Variants in ZCCHC8 observed in about 807,000 individuals in gnomAD.
ZCCHC8 encodes the protein zinc finger CCHC-type containing 8, also known as zinc finger CCHC domain-containing protein 8.
ZCCHC8 carries 27 observed loss-of-function variants against 70.6 expected under a neutral mutation model. The observed-to-expected ratio is 0.38, with a 90% confidence interval of 0.28 to 0.53. The LOEUF (loss-of-function observed/expected upper bound fraction) is 0.53. Among genes scored for constraint, ZCCHC8 ranks in the 20% least tolerant of loss-of-function variants. The pLI is 0.81. For synonymous variants in ZCCHC8, 293 were observed against 317.4 expected (o/e 0.92, Z 0.82); for missense variants, 737 against 876.9 (o/e 0.84, Z 2.01).
chr12:122,477,279 C>G (rs1164340950), intron 13 of ZCCHC8, among the ~76,000 whole-genome samples: 1 of 147,934 alleles, frequency 6.8e-6, no homozygotes, highest in Non-Finnish European at 1.5e-5. Flanking sequence ...CTCAGCCTCC[C>G]GAGTAGCTGG....
intron 5 of ZCCHC8, among the ~76,000 whole-genome samples, chr12:122,485,672 C>CTT (rs769061586): frequency 4.2e-5 from 6 of 143,386 alleles, no homozygotes; most frequent in Admixed American, 7.0e-5. Flanking sequence ...TGACGACATC[C>CTT]TTTTTTTTTT....
chr12:122,489,744 A>T (rs1299079761), intron 4 of ZCCHC8, among the ~76,000 whole-genome samples: 1 of 152,160 alleles, frequency 6.6e-6, no homozygotes, highest in African/African-American at 2.4e-5. Context: ...CAATATTGAT[A>T]ATATAACCCT....
chr12:122,476,314 C>G (rs1442819339), intron 13 of ZCCHC8, among the ~76,000 whole-genome samples: 1 of 152,198 alleles, frequency 6.6e-6, no homozygotes, highest in Non-Finnish European at 1.5e-5. Flanking sequence ...TAGAAGTCAA[C>G]TCATGGCCCA....
intron 4 of ZCCHC8, among the ~76,000 whole-genome samples, chr12:122,490,214 CT>C (rs1256210162): frequency 6.6e-6 from 1 of 152,070 alleles, no homozygotes; most frequent in Non-Finnish European, 1.5e-5. Context: ...AGATTTTTTT[CT>C]GGCCTAAAAT....
chr12:122,481,890 A>C (rs1041155507), intron 9 of ZCCHC8, 55 bp downstream of exon 9: 14 of 1,575,920 alleles, frequency 8.9e-6, no homozygotes, highest in Non-Finnish European at 1.2e-5. Context: ...GACACAGAAC[A>C]TTCCAAATGC....
Position 122,496,460 on chromosome 12 carries a change from G to A in ZCCHC8, c.242+2367C>T, listed in dbSNP as rs531954461. On this transcript the variant is annotated intron_variant, in intron 2 of 13. Transcript: ENST00000633063. ...CTCGGATAAAAATCACCCAATTTAAGATAAATATTAAATGTTTAAATGAAT... is the reference window on the plus strand; with the variant it reads ...CTCGGATAAAAATCACCCAATTTAAAATAAATATTAAATGTTTAAATGAAT... Among the ~76,000 whole-genome samples the A allele has an allele frequency of 2.8e-4, 42 of 152,146 alleles. 1 individual carries two copies. Among genetic ancestry groups the A allele is most frequent in the Admixed American group, 2.4e-3 (37 of 15,258 alleles).
intron 5 of ZCCHC8, among the ~76,000 whole-genome samples, chr12:122,486,065 C>G (rs555609289): frequency 1.2e-4 from 19 of 152,258 alleles, no homozygotes; most frequent in African/African-American, 4.6e-4. Flanking sequence ...TGGTTTTCAG[C>G]TTCCACAGAT....
rs762788276 is a variant in ZCCHC8, at chr12:122,500,746, T to C, written c.95A>G (p.Lys32Arg). Reference protein sequence around the residue: ...SIPKPVHTRFKDDDGDEEDEN... With the variant: ...SIPKPVHTRFRDDDGDEEDEN... ...GTCCTCCTCGTCGCCGTCGTCGTCC[T>C]TGAAGCGAGTGTGAACGGGCTTCGG... The change falls in exon 1 of 14, where the codon AAG becomes AGG. Residue 32 changes from lysine to arginine, a missense_variant. Lys to Arg is a conservative substitution (Grantham distance 26). Transcript: ENST00000633063. This position sits in a 1 kb window ranked among gnomAD's most constrained non-coding sequence, Gnocchi z 4.8. The C allele has an allele frequency of 3.2e-6, 5 of 1,587,126 alleles. No individual in the cohort carries two copies. In the Admixed American group the frequency reaches 7.2e-5, roughly 23 times the overall value.
intron 2 of ZCCHC8, among the ~76,000 whole-genome samples, 183 bp downstream of exon 2, chr12:122,498,644 T>G (rs760365700): frequency 6.6e-6 from 1 of 152,220 alleles, no homozygotes; most frequent in Non-Finnish European, 1.5e-5. Context: ...TTAATCCACT[T>G]ATGAGAATTC....
In ZCCHC8 at chr12:122,485,734, G is replaced by A. The variant is rs902805595; in HGVS notation, c.502-2171C>T. On this transcript the variant is annotated intron_variant, in intron 5 of 13. Coordinates refer to ENST00000633063, the MANE Select transcript of ZCCHC8 (RefSeq NM_017612.5). The stretch of plus-strand genomic sequence containing the variant: ...CGCCCAGGCTGGAGTGCAGTGGCGC[G>A]ATCTCGGCTCACTGCAAGCTCTGCC... Among the ~76,000 whole-genome samples the A allele has an allele frequency of 4.0e-5, 6 of 150,720 alleles. 1 individual carries two copies. The highest frequency in any genetic ancestry group is 3.4e-3 in the Middle Eastern group (1 of 294).
At position 122,483,917 on chromosome 12, in the gene ZCCHC8, TTTC is replaced by T. The variant is rs1469492112; in HGVS notation, c.502-357_502-355del. The T allele has an allele frequency of 1.6e-5, 3 of 183,382 alleles. No homozygotes were observed. The East Asian group carries it at 4.5e-4, about 27-fold the overall frequency. The allele number at this position is 183,382 out of a possible 1,614,324, so 11.4% of individuals were successfully genotyped here. ...CCCTTTAGTTATTGTTTCCATTTCC[TTTC>T]TTCCCATTTACTCTTTTCTTATCCC... On this transcript the variant is annotated intron_variant, in intron 5 of 13. Coordinates refer to ENST00000633063, the MANE Select transcript of ZCCHC8 (RefSeq NM_017612.5). The surrounding 1 kb of genome is among the most constrained non-coding windows in gnomAD (Gnocchi z 4.4).
chr12:122,491,770 T>A (rs1187061282), intron 3 of ZCCHC8, among the ~76,000 whole-genome samples: 1 of 150,352 alleles, frequency 6.7e-6, no homozygotes, highest in Admixed American at 6.6e-5. Context: ...GGAGGTTGTG[T>A]TGGGCCAAGA....
In ZCCHC8 at chr12:122,473,848, T is replaced by C; in HGVS notation, c.1773A>G (p.Ser591=). Residue 591 remains serine, a synonymous_variant, in exon 14 of 14, where the codon TCA becomes TCG. Coordinates refer to ENST00000633063, the MANE Select transcript of ZCCHC8 (RefSeq NM_017612.5). ...PEVPEIFTKK[S]EAGHASSPDS... is the part of the protein sequence containing the mutation. ...CTGGACTGGAGGCATGTCCAGCTTC[T>C]GATTTCTTTGTAAAAATCTCTGGTA... The C allele has an allele frequency of 1.2e-6, 2 of 1,614,016 alleles. No homozygotes were observed. Among genetic ancestry groups the C allele is most frequent in the South Asian group, 1.1e-5 (1 of 91,084 alleles).
At chr12:122,482,749 A>G in intron 7 of ZCCHC8, 54 bp from the exon 8 acceptor site, 1 of 1,478,050 alleles carries the variant, frequency 6.8e-7, no homozygotes, top group Non-Finnish European at 9.3e-7. Flanking sequence ...TAGAAAAGCA[A>G]ATCAATAAAA....
At chr12:122,481,493 G>T in intron 10 of ZCCHC8, 29 bp downstream of exon 10, 2 of 1,562,292 alleles carry the variant, frequency 1.3e-6, no homozygotes, top group South Asian at 1.2e-5. Flanking sequence ...AAACACTTAA[G>T]GTGACTTCTC....
At chr12:122,495,735 C>A (rs1476830779) in intron 2 of ZCCHC8, among the ~76,000 whole-genome samples, 2 of 151,710 alleles carry the variant, frequency 1.3e-5, no homozygotes, top group Non-Finnish European at 2.9e-5. Flanking sequence ...GTAATCCCAG[C>A]TGCTCGGGAG....
At chr12:122,479,225 G>A (rs572985191) in intron 11 of ZCCHC8, among the ~76,000 whole-genome samples, 5 of 152,226 alleles carry the variant, frequency 3.3e-5, no homozygotes, top group African/African-American at 1.2e-4. Context: ...ATAGGCGCCT[G>A]CCACCACGCT....
At chr12:122,477,643 T>C (rs1405680378) in intron 13 of ZCCHC8, among the ~76,000 whole-genome samples, 198 bp downstream of exon 13, 3 of 149,142 alleles carry the variant, frequency 2.0e-5, no homozygotes, top group Non-Finnish European at 4.5e-5. Flanking sequence ...GTACAAAAAT[T>C]AGCTGGGCGT....
chr12:122,475,296 C>T (rs146442720), intron 13 of ZCCHC8, among the ~76,000 whole-genome samples: 2,597 of 152,172 alleles, frequency 0.017, 73 homozygotes, highest in African/African-American at 0.054. Flanking sequence ...CCGCCCACCT[C>T]GGCCTCCCAA....
Sources: allele counts gnomAD v4.1 joint callset (sites outside exome capture counted in the v4.1 genomes callset), GRCh38; gene constraint gnomAD v4.1.1; non-coding constraint Gnocchi (gnomAD v3.1); transcripts MANE v1.5; gene names NCBI Gene and HGNC (gene_info 2026-07-23, HGNC 2026-07-21).